Variants in TIAM1 observed in about 807,000 individuals in gnomAD.
TIAM1 encodes rho guanine nucleotide exchange factor TIAM1.
In TIAM1, 65 loss-of-function variants were observed where a neutral mutation model predicts 163.5. The ratio of observed to expected loss-of-function variants is 0.40; its 90% CI spans 0.33 to 0.49. The LOEUF is 0.49. Among genes scored for constraint, TIAM1 ranks in the 20% least tolerant of loss-of-function variants. TIAM1 has a pLI of 0.77. For synonymous variants in TIAM1, 833 were observed against 810.1 expected (o/e 1.03, Z -0.48); for missense variants, 1,789 against 2,044.7 (o/e 0.87, Z 2.41).
rs553436657 is a variant in TIAM1, at chr21:31,161,621, C to A, written c.2991+3341G>T. 1.1e-3 allele frequency among the ~76,000 whole-genome samples: 164 copies of A among 152,328 alleles called. 1 individual carries two copies. Among genetic ancestry groups the A allele is most frequent in the Non-Finnish European group, 1.9e-3 (131 of 68,026 alleles). ...GCTTTTTCTTTATGCTGACCGATAT[C>A]ATGTAAAACAGTCCATTTAGAAAGA... On this transcript the variant is annotated intron_variant, in intron 16 of 27. Transcript: ENST00000541036.
At chr21:31,258,326 C>T (rs543402941) in intron 4 of TIAM1, among the ~76,000 whole-genome samples, 171 of 152,258 alleles carry the variant, frequency 1.1e-3, no homozygotes, top group Non-Finnish European at 1.5e-3. Context: ...AAAACAGTTT[C>T]TCATGGAATG....
intron 1 of TIAM1, among the ~76,000 whole-genome samples, chr21:31,529,055 G>A (rs1188819405): frequency 3.3e-5 from 5 of 150,584 alleles, no homozygotes; most frequent in African/African-American, 7.3e-5. Context: ...CCGAGTAGCC[G>A]GGACTACAGG....
intron 23 of TIAM1, among the ~76,000 whole-genome samples, chr21:31,132,296 T>C (rs1214586297): frequency 2.0e-5 from 3 of 152,096 alleles, no homozygotes; most frequent in Non-Finnish European, 4.4e-5. Context: ...AGCGCTGAGA[T>C]GCAAAGAAAC....
intron 2 of TIAM1, among the ~76,000 whole-genome samples, chr21:31,319,427 CAAGGGTTCG>C (rs1449059225): frequency 6.6e-6 from 1 of 152,024 alleles, no homozygotes; most frequent in Non-Finnish European, 1.5e-5. Flanking sequence ...CAACAATGCA[CAAGGGTTCG>C]AATTTCTCCA....
At chr21:31,293,282 T>C (rs1390451370) in intron 2 of TIAM1, among the ~76,000 whole-genome samples, 1 of 152,338 alleles carries the variant, frequency 6.6e-6, no homozygotes, top group East Asian at 1.9e-4. Context: ...CTCAGTCTTC[T>C]GTCTTAAGAT....
At chr21:31,239,610 G>A (rs1429435094) in intron 6 of TIAM1, among the ~76,000 whole-genome samples, 1 of 151,984 alleles carries the variant, frequency 6.6e-6, no homozygotes, top group Non-Finnish European at 1.5e-5. Flanking sequence ...AAGCCACAGA[G>A]TAGAAAAAGA....
intron 2 of TIAM1, among the ~76,000 whole-genome samples, chr21:31,416,880 C>T (rs2043392076): frequency 6.6e-6 from 1 of 152,168 alleles, no homozygotes. Context: ...CTGATATGAT[C>T]CAAGCAAAGA....
At chr21:31,288,949 A>G (rs557741226) in intron 2 of TIAM1, among the ~76,000 whole-genome samples, 1 of 152,332 alleles carries the variant, frequency 6.6e-6, no homozygotes, top group East Asian at 1.9e-4. Context: ...AGGCTGCAGG[A>G]AACCCACCAT....
chr21:31,267,756 C>T (rs1000669705), intron 3 of TIAM1, among the ~76,000 whole-genome samples: 4 of 152,048 alleles, frequency 2.6e-5, no homozygotes, highest in African/African-American at 9.7e-5. Context: ...AAAATAGAAA[C>T]TCCGCTCTCT....
At position 31,223,397 on chromosome 21, in the gene TIAM1, T is replaced by C. The variant is rs1272594459; in HGVS notation, c.1995+9A>G. 6.3e-7 allele frequency: 1 copy of C among 1,599,908 alleles called. No homozygotes were observed. Among genetic ancestry groups the C allele is most frequent in the Middle Eastern group, 1.7e-4 (1 of 5,850 alleles). On this transcript the variant is annotated intron_variant, in intron 8 of 27. Transcript: ENST00000541036. ...AATGTTTTTCAAAAATTCATTAGCT[T>C]CTACTCACCAGGGCATGAAACGATG...
At chr21:31,483,289 C>G (rs1437968158) in intron 1 of TIAM1, among the ~76,000 whole-genome samples, 1 of 152,206 alleles carries the variant, frequency 6.6e-6, no homozygotes, top group Non-Finnish European at 1.5e-5. Context: ...CTTGAAAAGA[C>G]ACATACGCAC....
intron 2 of TIAM1, among the ~76,000 whole-genome samples, chr21:31,429,894 G>C (rs2043939307): frequency 6.6e-6 from 1 of 152,132 alleles, no homozygotes; most frequent in Non-Finnish European, 1.5e-5. Flanking sequence ...GTCTTCCACA[G>C]ACTTCTTTCA....
intron 1 of TIAM1, among the ~76,000 whole-genome samples, chr21:31,467,615 G>A (rs558976128): frequency 4.4e-4 from 66 of 150,718 alleles, no homozygotes; most frequent in Admixed American, 1.1e-3. Context: ...AACAAAGTGA[G>A]GCTCCATCTC....
At position 31,120,930 on chromosome 21, in the gene TIAM1, C is replaced by T. The variant is rs955127827; in HGVS notation, c.4307-93G>A. 1 of 1,265,618 alleles carries T rather than the reference C, an allele frequency of 7.9e-7. No homozygotes were observed. Among genetic ancestry groups the T allele is most frequent in the African/African-American group, 1.5e-5 (1 of 66,224 alleles). The allele number at this position is 1,265,618 out of a possible 1,614,324, so 78.4% of individuals were successfully genotyped here. ...AGCAAAGGACAGGAGAAAATAAAAA[C>T]CAAAACGGTATGCATTGAATGCCTT... On this transcript the variant is annotated intron_variant, in intron 27 of 27. Transcript: ENST00000541036. The surrounding 1 kb of genome is among the most constrained non-coding windows in gnomAD (Gnocchi z 4.2).
At chr21:31,497,965 GC>G (rs1471916431) in intron 1 of TIAM1, among the ~76,000 whole-genome samples, 1 of 152,184 alleles carries the variant, frequency 6.6e-6, no homozygotes, top group Non-Finnish European at 1.5e-5. Context: ...ATTCCCCATA[GC>G]CCTGTTCCCC....
At chr21:31,506,162 C>T (rs1458653135) in intron 1 of TIAM1, among the ~76,000 whole-genome samples, 1 of 151,852 alleles carries the variant, frequency 6.6e-6, no homozygotes, top group African/African-American at 2.4e-5. Context: ...CTCCTCTTCA[C>T]AGCAGGAAAT....
intron 2 of TIAM1, among the ~76,000 whole-genome samples, chr21:31,381,479 C>A (rs1050084239): frequency 6.6e-6 from 1 of 152,010 alleles, no homozygotes; most frequent in East Asian, 1.9e-4. Context: ...ACCAGCCTGG[C>A]CAACATGGTG....
At chr21:31,383,708 A>G (rs1310222911) in intron 2 of TIAM1, among the ~76,000 whole-genome samples, 1 of 152,168 alleles carries the variant, frequency 6.6e-6, no homozygotes, top group African/African-American at 2.4e-5. Flanking sequence ...CATACCTTGT[A>G]TCTATCTACT....
chr21:31,468,195 G>T (rs1019375047), intron 1 of TIAM1, among the ~76,000 whole-genome samples: 2 of 152,060 alleles, frequency 1.3e-5, no homozygotes, highest in Admixed American at 1.3e-4. Flanking sequence ...AGAAGGGTTG[G>T]TCACACACAG....
Sources: allele counts gnomAD v4.1 joint callset (sites outside exome capture counted in the v4.1 genomes callset), GRCh38; gene constraint gnomAD v4.1.1; non-coding constraint Gnocchi (gnomAD v3.1); transcripts MANE v1.5; gene names NCBI Gene and HGNC (gene_info 2026-07-23, HGNC 2026-07-21).